The following LRRC37A2 variants were observed in gnomAD, a reference collection of about 807,000 sequenced individuals.
The protein encoded by LRRC37A2 is leucine-rich repeat-containing protein 37A2.
LRRC37A2 carries 9 observed loss-of-function variants against 68.8 expected under a neutral mutation model. The ratio of observed to expected loss-of-function variants is 0.13; its 90% CI spans 0.08 to 0.23. The LOEUF is 0.23. Among genes scored for constraint, LRRC37A2 ranks in the 10% least tolerant of loss-of-function variants. The pLI is 1.00. For synonymous variants in LRRC37A2, 63 were observed against 367.6 expected, an observed-to-expected ratio of 0.17 and a Z score of 9.48; for missense variants, 168 against 950.4, an observed-to-expected ratio of 0.18 and a Z score of 10.82.
the LRRC37A2 span, among the ~76,000 whole-genome samples, chr17:46,845,716 C>G: frequency 6.6e-6 from 1 of 151,218 alleles, no homozygotes; most frequent in Non-Finnish European, 1.5e-5. Context: ...TCTCAAACTC[C>G]TGACCTTGTG....
the LRRC37A2 span, among the ~76,000 whole-genome samples, chr17:46,770,218 G>GA: frequency 6.6e-6 from 1 of 152,228 alleles, no homozygotes; most frequent in Non-Finnish European, 1.5e-5. Flanking sequence ...GGCTGGTTTA[G>GA]ACCCAGTTGG....
At chr17:47,000,088 AAATAAAAT>A in the LRRC37A2 span, among the ~76,000 whole-genome samples, 10 of 67,224 alleles carry the variant, frequency 1.5e-4, no homozygotes, top group African/African-American at 3.8e-4. Flanking sequence ...AAATAAAATA[AAATAAAAT>A]AAAATAAAAT....
chr17:46,501,401 C>G, the LRRC37A2 span, among the ~76,000 whole-genome samples: 1 of 151,178 alleles, frequency 6.6e-6, no homozygotes, highest in Non-Finnish European at 1.5e-5. Flanking sequence ...TCTTGAACTC[C>G]TGACCTCAAA....
chr17:46,882,176 A>AT, the LRRC37A2 span, among the ~76,000 whole-genome samples: 1 of 152,176 alleles, frequency 6.6e-6, no homozygotes, highest in Non-Finnish European at 1.5e-5. Context: ...AAATTAAAAA[A>AT]TTTTTAAAAC....
At chr17:46,854,028 C>G in the LRRC37A2 span, among the ~76,000 whole-genome samples, 291 of 152,246 alleles carry the variant, frequency 1.9e-3, 2 homozygotes, top group Admixed American at 9.2e-3. Context: ...GTATCGGAGC[C>G]ACCTCTTCCA....
chr17:47,033,169 A>G, the LRRC37A2 span: 2 of 600,084 alleles, frequency 3.3e-6, no homozygotes, highest in South Asian at 2.1e-5. Context: ...GTGAGCCAAG[A>G]TCACACCACT....
At chr17:46,879,254 T>TC in the LRRC37A2 span, among the ~76,000 whole-genome samples, 1 of 152,022 alleles carries the variant, frequency 6.6e-6, no homozygotes, top group Non-Finnish European at 1.5e-5. Context: ...CCTGACCGGG[T>TC]CCCCCACTGA....
the LRRC37A2 span, among the ~76,000 whole-genome samples, chr17:46,737,952 A>G: frequency 7.8e-3 from 1,091 of 139,894 alleles, 28 homozygotes; most frequent in East Asian, 0.064. Flanking sequence ...TATTATTATT[A>G]GAGATAGGAT....
chr17:46,973,681 CTGGACACCCCG>C, the LRRC37A2 span, among the ~76,000 whole-genome samples: 1 of 152,160 alleles, frequency 6.6e-6, no homozygotes, highest in Non-Finnish European at 1.5e-5. Context: ...GTTTGCTGTC[CTGGACACCCCG>C]TGTATCTGCT....
chr17:46,859,223 G>A, the LRRC37A2 span, among the ~76,000 whole-genome samples: 1 of 152,052 alleles, frequency 6.6e-6, no homozygotes, highest in Non-Finnish European at 1.5e-5. Flanking sequence ...TGATCCACCT[G>A]CCTCGGCCTC....
chr17:46,957,758 G>A, the LRRC37A2 span, among the ~76,000 whole-genome samples: 1 of 152,238 alleles, frequency 6.6e-6, no homozygotes, highest in East Asian at 1.9e-4. Flanking sequence ...GTTTGAACCT[G>A]TATTTGGTAG....
the LRRC37A2 span, among the ~76,000 whole-genome samples, chr17:46,835,287 C>T: frequency 0.013 from 2,017 of 152,282 alleles, 46 homozygotes; most frequent in African/African-American, 0.046. Flanking sequence ...TCCCGGCTCA[C>T]TGCAAGCTCC....
At chr17:47,010,350 G>A in the LRRC37A2 span, 1 of 152,250 alleles carries the variant, frequency 6.6e-6, no homozygotes, top group East Asian at 1.9e-4. Flanking sequence ...AGGGCCCTGG[G>A]ACTGGCAGCC....
At chr17:47,029,206 G>A in the LRRC37A2 span, among the ~76,000 whole-genome samples, 1 of 151,766 alleles carries the variant, frequency 6.6e-6, no homozygotes, top group East Asian at 2.0e-4. Flanking sequence ...ACCCACCTCA[G>A]CCTCCCAAAG....
At chr17:47,017,139 A>C in the LRRC37A2 span, 2 of 1,603,860 alleles carry the variant, frequency 1.2e-6, no homozygotes, top group Non-Finnish European at 1.7e-6. Flanking sequence ...GGTGTCATAA[A>C]GACAGGGCGG....
At chr17:46,922,663 C>T in the LRRC37A2 span, 1 of 155,888 alleles carries the variant, frequency 6.4e-6, no homozygotes, top group Non-Finnish European at 1.4e-5. Flanking sequence ...TGTAGGTTTA[C>T]TGGATGGATA....
chr17:46,839,947 TC>T, the LRRC37A2 span, among the ~76,000 whole-genome samples: 1 of 150,052 alleles, frequency 6.7e-6, no homozygotes, highest in Non-Finnish European at 1.5e-5. Context: ...TTTCTTTCTT[TC>T]TTTCTTTCTT....
the LRRC37A2 span, chr17:47,018,358 A>T: frequency 6.2e-7 from 1 of 1,611,232 alleles, no homozygotes; most frequent in Admixed American, 1.7e-5. Flanking sequence ...CCTCTAGAAC[A>T]TCATGAAGTC....
At chr17:46,906,692 G>A in the LRRC37A2 span, among the ~76,000 whole-genome samples, 2 of 152,070 alleles carry the variant, frequency 1.3e-5, no homozygotes, top group Non-Finnish European at 2.9e-5. Context: ...TGAGAAAGGT[G>A]CTCTGATTAT....
Sources: gnomAD v4.1 joint callset for allele counts (sites outside exome capture counted in the v4.1 genomes callset) on GRCh38, gnomAD v4.1.1 for gene constraint, MANE v1.5 for transcripts, NCBI Gene and HGNC (gene_info 2026-07-23, HGNC 2026-07-21) for gene names.